Variants in LRRC49 observed in about 807,000 individuals in gnomAD.
The protein encoded by LRRC49 is leucine rich repeat containing 49.
Under a neutral mutation model 83.3 loss-of-function variants are expected in LRRC49, and 50 were observed. The observed-to-expected ratio is 0.60, with a 90% CI of 0.48 to 0.76. The LOEUF is 0.76. LRRC49 is among the 30% of genes least tolerant of loss of function. The pLI is 0.00. For synonymous variants in LRRC49, 286 were observed against 283.3 expected (o/e 1.01, Z -0.10); for missense variants, 704 against 809.1 (o/e 0.87, Z 1.58).
At chr15:70,950,673 G>A (rs2036184951) in intron 8 of LRRC49, among the ~76,000 whole-genome samples, 1 of 152,108 alleles carries the variant, frequency 6.6e-6, no homozygotes, top group African/African-American at 2.4e-5. Flanking sequence ...TTTGTCAGAT[G>A]CATAGTTTGC....
intron 11 of LRRC49, among the ~76,000 whole-genome samples, chr15:70,998,131 C>T (rs767601155): frequency 2.0e-5 from 3 of 152,086 alleles, no homozygotes; most frequent in South Asian, 4.1e-4. Context: ...TCAGAAATTA[C>T]GTCTTTAAAC....
At chr15:70,866,028 A>AT (rs2032902177) in intron 1 of LRRC49, among the ~76,000 whole-genome samples, 1 of 152,190 alleles carries the variant, frequency 6.6e-6, no homozygotes, top group African/African-American at 2.4e-5. Flanking sequence ...TTCCCAATAG[A>AT]CAGTAAACTC....
At chr15:70,881,406 CTT>C (rs1433485475) in intron 2 of LRRC49, 1 of 152,118 alleles carries the variant, frequency 6.6e-6, no homozygotes, top group Admixed American at 6.5e-5. Flanking sequence ...AAGAAAATAA[CTT>C]TGATGTATTA....
At chr15:70,924,845 AT>A (rs1293429838) in intron 7 of LRRC49, among the ~76,000 whole-genome samples, 5 of 151,888 alleles carry the variant, frequency 3.3e-5, no homozygotes, top group African/African-American at 4.8e-5. Context: ...ACTGACAGTT[AT>A]TTTTTTCCCA....
At chr15:70,995,783 TA>T (rs112846576) in intron 11 of LRRC49, among the ~76,000 whole-genome samples, 1 of 152,310 alleles carries the variant, frequency 6.6e-6, no homozygotes, top group African/African-American at 2.4e-5. Context: ...ATAGCGTCTT[TA>T]TGGTCTCAAA....
At chr15:70,967,919 A>G (rs995370127) in intron 9 of LRRC49, among the ~76,000 whole-genome samples, 5 of 152,156 alleles carry the variant, frequency 3.3e-5, no homozygotes, top group East Asian at 3.9e-4. Context: ...GGGTTATAGA[A>G]TAATGGAGCA....
rs1383642976 is a variant in LRRC49 at position 71,050,485 on chromosome 15, T to C, written c.*873T>C. On this transcript the variant is annotated 3_prime_UTR_variant, in exon 16 of 16. Transcript: ENST00000260382. ...TTTCATTTGAAGATCAAATTCATGC[T>C]GGTGAGAAGGGTAGTAGGAGCCTAT... The C allele has an allele frequency of 6.6e-6, 1 of 152,196 alleles. No individual in the cohort carries two copies. The highest frequency in any genetic ancestry group is 1.5e-5 in the Non-Finnish European group (1 of 68,032). The allele number at this position is 152,196 out of a possible 1,614,324, so 9.4% of individuals were successfully genotyped here. A position where few individuals can be genotyped will look rare whatever the true frequency, so the allele number is the denominator to read the frequency against.
chr15:71,044,272 C>T (rs1296627023), intron 15 of LRRC49, among the ~76,000 whole-genome samples: 1 of 152,164 alleles, frequency 6.6e-6, no homozygotes, highest in Non-Finnish European at 1.5e-5. Context: ...AAAATCTGTA[C>T]ATACTTTTAA....
At chr15:71,045,049 C>A (rs34645537) in intron 15 of LRRC49, among the ~76,000 whole-genome samples, 1 of 151,638 alleles carries the variant, frequency 6.6e-6, no homozygotes, top group South Asian at 2.1e-4. Context: ...CACCACCACA[C>A]CTGGCTAATT....
intron 15 of LRRC49, among the ~76,000 whole-genome samples, chr15:71,044,886 CTTTTTTTTTTTTT>C (rs71152326): frequency 1.3e-5 from 1 of 74,458 alleles, no homozygotes; most frequent in Non-Finnish European, 2.5e-5. Context: ...CAGAAACAAT[CTTTTTTTTTTTTT>C]TTTTTTTTTT....
intron 11 of LRRC49, among the ~76,000 whole-genome samples, chr15:70,996,423 T>C (rs1339186795): frequency 6.6e-6 from 1 of 152,158 alleles, no homozygotes; most frequent in East Asian, 1.9e-4. Context: ...CTTATTTTAC[T>C]TGACCTCCTT....
intron 14 of LRRC49, among the ~76,000 whole-genome samples, chr15:71,018,882 A>G (rs2038909314): frequency 6.6e-6 from 1 of 152,168 alleles, no homozygotes. Flanking sequence ...GGGGGGTTCT[A>G]TTAATTTGCT....
At chr15:71,010,528 A>G (rs908410625) in intron 13 of LRRC49, among the ~76,000 whole-genome samples, 2 of 152,010 alleles carry the variant, frequency 1.3e-5, no homozygotes, top group Non-Finnish European at 2.9e-5. Context: ...GAAAGTGAAA[A>G]TAAGAGAAAA....
intron 15 of LRRC49, among the ~76,000 whole-genome samples, chr15:71,040,184 C>T (rs1004368218): frequency 3.9e-5 from 6 of 152,106 alleles, no homozygotes; most frequent in Admixed American, 1.3e-4. Context: ...AAATTTCACA[C>T]AATTCAATAC....
At chr15:70,936,043 G>T (rs1181510295) in intron 7 of LRRC49, among the ~76,000 whole-genome samples, 1 of 150,760 alleles carries the variant, frequency 6.6e-6, no homozygotes, top group African/African-American at 2.4e-5. Context: ...ATTTTTTGTT[G>T]TTTTTTTTTA....
chr15:71,030,153 G>A (rs2039305227), intron 14 of LRRC49, among the ~76,000 whole-genome samples: 2 of 152,222 alleles, frequency 1.3e-5, no homozygotes, highest in African/African-American at 4.8e-5. Context: ...TGCAGTGGCT[G>A]GTACCAATTT....
intron 6 of LRRC49, among the ~76,000 whole-genome samples, chr15:70,912,924 GC>G (rs1313499809): frequency 6.6e-6 from 1 of 152,106 alleles, no homozygotes; most frequent in Non-Finnish European, 1.5e-5. Flanking sequence ...TGATCCACCT[GC>G]CTCGGCCTCC....
intron 8 of LRRC49, among the ~76,000 whole-genome samples, chr15:70,948,224 C>T (rs1457498827): frequency 6.6e-6 from 1 of 151,962 alleles, no homozygotes; most frequent in Non-Finnish European, 1.5e-5. Flanking sequence ...CAGCATGGTT[C>T]TCCTGTCCCT....
chr15:70,990,516 AATTT>A (rs2037832367), intron 11 of LRRC49, among the ~76,000 whole-genome samples: 1 of 152,054 alleles, frequency 6.6e-6, no homozygotes, highest in Admixed American at 6.6e-5. Flanking sequence ...GGAGTGACCC[AATTT>A]TCCAGGTGCC....
Sources: allele counts gnomAD v4.1 joint callset (sites outside exome capture counted in the v4.1 genomes callset), GRCh38; gene constraint gnomAD v4.1.1; transcripts MANE v1.5; gene names NCBI Gene and HGNC (gene_info 2026-07-23, HGNC 2026-07-21).